The following EPB41L5 variants were observed in gnomAD, a reference collection of about 807,000 sequenced individuals.
The protein encoded by EPB41L5 is erythrocyte membrane protein band 4.1 like 5, also known as band 4.1-like protein 5.
A neutral mutation model predicts 106.6 loss-of-function variants in EPB41L5; 55 were observed. The observed-to-expected ratio is 0.52, with a 90% CI of 0.42 to 0.65. The LOEUF (loss-of-function observed/expected upper bound fraction) is 0.65, where lower values mean the gene tolerates loss of function less well. EPB41L5 is among the 30% of genes least tolerant of loss of function. The pLI is 0.00. For missense variants in EPB41L5, 871 were observed against 882.1 expected (o/e 0.99, Z 0.16); for synonymous variants, 297 against 306.7 (o/e 0.97, Z 0.33).
chr2:120,029,199 CTG>C (rs1178921266), intron 2 of EPB41L5, among the ~76,000 whole-genome samples: 1 of 152,074 alleles, frequency 6.6e-6, no homozygotes, highest in Non-Finnish European at 1.5e-5. Context: ...GAGTCTCACT[CTG>C]TTGCTCAGGT....
chr2:120,085,848 A>C lies in EPB41L5; in HGVS notation c.804-1323A>C, dbSNP rs556168576. ...AAGAATGCTTTAGGCAGAGAGATAAAGAAAGCTCCTTTTCTGCCTTTTTAT... is the reference window on the plus strand; with the variant it reads ...AAGAATGCTTTAGGCAGAGAGATAACGAAAGCTCCTTTTCTGCCTTTTTAT... On this transcript the variant is annotated intron_variant, in intron 10 of 24. Transcript: ENST00000263713. Among the ~76,000 whole-genome samples, 5 of 152,304 alleles carry C rather than the reference A, an allele frequency of 3.3e-5. No homozygotes were observed. In the East Asian group the frequency reaches 9.6e-4, roughly 29 times the overall value.
At chr2:120,057,095 T>C (rs1185839444) in intron 3 of EPB41L5, among the ~76,000 whole-genome samples, 1 of 152,112 alleles carries the variant, frequency 6.6e-6, no homozygotes, top group Non-Finnish European at 1.5e-5. Context: ...GGGCTCACCA[T>C]GTTGCCCAGA....
At chr2:120,104,463 A>T (rs1684333153) in intron 16 of EPB41L5, 15 of 1,292,388 alleles carry the variant, frequency 1.2e-5, no homozygotes, top group Non-Finnish European at 1.5e-5. Flanking sequence ...TGTTGAAAAG[A>T]GTGTGTATAC....
chr2:120,029,780 A>G (rs569475915), intron 2 of EPB41L5, among the ~76,000 whole-genome samples: 2 of 152,202 alleles, frequency 1.3e-5, no homozygotes, highest in South Asian at 4.1e-4. Flanking sequence ...CTAAAACTAT[A>G]GATAAAAATA....
At chr2:120,066,047 G>A (rs1274485008) in intron 3 of EPB41L5, among the ~76,000 whole-genome samples, 1 of 152,028 alleles carries the variant, frequency 6.6e-6, no homozygotes, top group Non-Finnish European at 1.5e-5. Flanking sequence ...GTAACATCTT[G>A]GGGAGGAGGA....
At chr2:120,120,986 C>T (rs186562101) in intron 16 of EPB41L5, among the ~76,000 whole-genome samples, 79 of 152,144 alleles carry the variant, frequency 5.2e-4, no homozygotes, top group Admixed American at 4.8e-3. Flanking sequence ...GAGTGGTGGC[C>T]GGCACCTGCA....
At chr2:120,172,795 C>A (rs1360837411) in intron 24 of EPB41L5, among the ~76,000 whole-genome samples, 1 of 152,068 alleles carries the variant, frequency 6.6e-6, no homozygotes, top group Admixed American at 6.5e-5. Context: ...TAGAAAGGAT[C>A]CTGTCCAGAT....
intron 21 of EPB41L5, 137 bp downstream of exon 21, chr2:120,161,111 C>T: frequency 1.5e-6 from 1 of 657,264 alleles, no homozygotes; most frequent in South Asian, 1.8e-5. Context: ...AGCACAGGGG[C>T]TCACACCTAT....
At chr2:120,046,479 C>T (rs1446182325) in intron 3 of EPB41L5, among the ~76,000 whole-genome samples, 1 of 149,784 alleles carries the variant, frequency 6.7e-6, no homozygotes, top group African/African-American at 2.4e-5. Flanking sequence ...CTGTTCATAC[C>T]TTTCGCCCAC....
chr2:120,047,102 T>C (rs1574523758), intron 3 of EPB41L5, among the ~76,000 whole-genome samples: 3 of 152,266 alleles, frequency 2.0e-5, no homozygotes, highest in Admixed American at 6.5e-5. Context: ...CATGATGCCT[T>C]CAGCTTTGTT....
chr2:120,081,792 T>C (rs1682688018), intron 10 of EPB41L5, among the ~76,000 whole-genome samples: 1 of 152,226 alleles, frequency 6.6e-6, no homozygotes, highest in Admixed American at 6.5e-5. Context: ...TGTTGAGCAG[T>C]GGTTTGTAGT....
intron 16 of EPB41L5, among the ~76,000 whole-genome samples, chr2:120,126,056 AAGAATATC>A (rs768587791): frequency 3.9e-5 from 6 of 152,156 alleles, no homozygotes; most frequent in Non-Finnish European, 5.9e-5. Context: ...CCCATTTTAT[AAGAATATC>A]AGTCATAGCG....
chr2:120,146,237 G>A lies in EPB41L5; in HGVS notation c.1741G>A (p.Asp581Asn), dbSNP rs372637781. ...TTCATTTTCTTAGGTTACAAAAGAAGATAGCTTATTAAGTCATAAAAATGC... is the reference window on the plus strand; with the variant it reads ...TTCATTTTCTTAGGTTACAAAAGAAAATAGCTTATTAAGTCATAAAAATGC... ...VEAVHKVTKE[D>N]SLLSHKNANV... is the part of the protein sequence containing the mutation. Residue 581 changes from aspartate to asparagine, a missense_variant, in exon 20 of 25, where the codon GAT (aspartate) becomes AAT (asparagine). Asp to Asn is a conservative substitution (Grantham distance 23). Transcript: ENST00000263713. 74 of 1,601,714 alleles carry A rather than the reference G, an allele frequency of 4.6e-5. No individual in the cohort carries two copies. The highest frequency in any genetic ancestry group is 6.2e-5 in the Non-Finnish European group (72 of 1,169,566).
chr2:120,137,745 T>C (rs1246889798), intron 18 of EPB41L5, among the ~76,000 whole-genome samples: 1 of 152,088 alleles, frequency 6.6e-6, no homozygotes, highest in Non-Finnish European at 1.5e-5. Flanking sequence ...CAGGACCTGA[T>C]GGCTTCACTG....
chr2:120,173,498 C>G lies in EPB41L5; in HGVS notation c.2136-1343C>G, dbSNP rs564608570. Among the ~76,000 whole-genome samples the G allele has an allele frequency of 3.9e-5, 6 of 152,198 alleles. No homozygotes were observed. In the South Asian group the frequency reaches 8.3e-4, roughly 21 times the overall value. On this transcript the variant is annotated intron_variant, in intron 24 of 24. Transcript: ENST00000263713. Reference sequence around the variant, plus strand: ...TTTCTCCCAAATTCTAGAGACCCCACTTTGAGAACCAGGGACACAGAAAAG... The same window carrying G: ...TTTCTCCCAAATTCTAGAGACCCCAGTTTGAGAACCAGGGACACAGAAAAG...
At chr2:120,047,010 A>G (rs1330045245) in intron 3 of EPB41L5, among the ~76,000 whole-genome samples, 6 of 151,614 alleles carry the variant, frequency 4.0e-5, no homozygotes, top group African/African-American at 1.2e-4. Flanking sequence ...GTTCTGTTCC[A>G]TTGGTCTATG....
At chr2:120,173,186 A>T (rs1687764000) in intron 24 of EPB41L5, among the ~76,000 whole-genome samples, 1 of 152,250 alleles carries the variant, frequency 6.6e-6, no homozygotes, top group African/African-American at 2.4e-5. Flanking sequence ...GAAAATATTT[A>T]CATAATTACA....
intron 22 of EPB41L5, among the ~76,000 whole-genome samples, chr2:120,166,972 G>A (rs564337829): frequency 2.2e-4 from 34 of 152,210 alleles, no homozygotes; most frequent in African/African-American, 6.3e-4. Flanking sequence ...TTTTTATTGC[G>A]CTTTCTTCAT....
chr2:120,075,784 T>A, intron 7 of EPB41L5, 31 bp downstream of exon 7: 1 of 1,530,086 alleles, frequency 6.5e-7, no homozygotes, highest in Non-Finnish European at 9.0e-7. Context: ...CTGTTAAGAC[T>A]CAAGTATAAT....
Sources: allele counts gnomAD v4.1 joint callset (sites outside exome capture counted in the v4.1 genomes callset), GRCh38; gene constraint gnomAD v4.1.1; transcripts MANE v1.5; gene names NCBI Gene and HGNC (gene_info 2026-07-23, HGNC 2026-07-21).